Variants in OSBP2 observed in about 807,000 individuals in gnomAD.
OSBP2 encodes oxysterol-binding protein 2.
Under a neutral mutation model 96.0 loss-of-function variants are expected in OSBP2, and 66 were observed. That is an observed-to-expected ratio of 0.69 (90% CI 0.56 to 0.84). The LOEUF (loss-of-function observed/expected upper bound fraction) is 0.84, where lower values mean the gene tolerates loss of function less well. Ranked by LOEUF, OSBP2 falls within the 40% of genes least tolerant of loss-of-function variation. The pLI, the probability that OSBP2 is intolerant of heterozygous loss-of-function variation, is 0.00. For missense variants in OSBP2, 1,038 were observed against 1,222.7 expected (o/e 0.85, Z 2.25); for synonymous variants, 525 against 520.9 (o/e 1.01, Z -0.11).
At chr22:30,749,453 G>A (rs1338088108) in intron 2 of OSBP2, among the ~76,000 whole-genome samples, 2 of 152,156 alleles carry the variant, frequency 1.3e-5, no homozygotes, top group Non-Finnish European at 2.9e-5. Flanking sequence ...TCAAGATGGA[G>A]TCACTCTGGT....
At chr22:30,713,946 A>G (rs1038951618) in intron 1 of OSBP2, among the ~76,000 whole-genome samples, 4 of 152,170 alleles carry the variant, frequency 2.6e-5, no homozygotes, top group African/African-American at 9.7e-5. Flanking sequence ...ATTTGAAAAT[A>G]TACAATACAT....
chr22:30,760,553 C>G (rs1037116003), intron 2 of OSBP2, among the ~76,000 whole-genome samples: 1 of 152,130 alleles, frequency 6.6e-6, no homozygotes, highest in East Asian at 1.9e-4. Context: ...CAGTGGCTCA[C>G]ACCTGTAATC....
intron 2 of OSBP2, among the ~76,000 whole-genome samples, chr22:30,858,208 G>A (rs936332156): frequency 4.7e-5 from 7 of 147,696 alleles, no homozygotes; most frequent in South Asian, 2.2e-4. Flanking sequence ...CTGCAGTGGC[G>A]CAATCTCGGC....
In OSBP2 at chr22:30,889,635, C is replaced by T. The variant is rs771255313; in HGVS notation, c.1622C>T (p.Pro541Leu). 1.2e-5 allele frequency: 19 copies of T among 1,613,656 alleles called. No homozygotes were observed. Among genetic ancestry groups the T allele is most frequent in the Admixed American group, 3.3e-5 (2 of 60,000 alleles). Residue 541 changes from proline to leucine, a missense_variant and splice_region_variant, in exon 7 of 14, where the codon CCG (proline) becomes CTG (leucine). Pro to Leu is a moderately conservative substitution (Grantham distance 98). Coordinates refer to ENST00000332585, the MANE Select transcript of OSBP2 (RefSeq NM_030758.4). Reference protein sequence around the residue: ...IGRELSRIPMPVNFNEPLSML... With the variant: ...IGRELSRIPMLVNFNEPLSML... ...CGGGAGCTCTCCAGGATCCCCATGC[C>T]GGTGGGTGGCTCGGGCAGGGCAGCC... is the stretch of plus-strand genomic sequence containing the variant.
At chr22:30,797,092 T>C (rs136286) in intron 2 of OSBP2, among the ~76,000 whole-genome samples, 28,981 of 152,106 alleles carry the variant, frequency 0.19, 2,817 homozygotes, top group Middle Eastern at 0.24. Flanking sequence ...AGTGGAATCA[T>C]ATGGTATTTA....
intron 1 of OSBP2, among the ~76,000 whole-genome samples, chr22:30,709,185 C>T (rs576537093): frequency 1.3e-5 from 2 of 152,258 alleles, no homozygotes; most frequent in South Asian, 2.1e-4. Context: ...AGTTAACAAT[C>T]ATTCCTTATC....
At chr22:30,812,818 A>G (rs570342059) in intron 2 of OSBP2, among the ~76,000 whole-genome samples, 1 of 152,214 alleles carries the variant, frequency 6.6e-6, no homozygotes, top group Non-Finnish European at 1.5e-5. Context: ...ATGAAAAGGC[A>G]TTTCCTTGCT....
chr22:30,730,774 CTATATA>C (rs1206537838), intron 1 of OSBP2, among the ~76,000 whole-genome samples: 148 of 13,788 alleles, frequency 0.011, 6 homozygotes, highest in African/African-American at 0.011. Context: ...CTCTCTCTCT[CTATATA>C]TATATATATA....
At chr22:30,786,154 T>C (rs975111505) in intron 2 of OSBP2, among the ~76,000 whole-genome samples, 1 of 152,074 alleles carries the variant, frequency 6.6e-6, no homozygotes, top group Non-Finnish European at 1.5e-5. Context: ...CTCGAGTAGC[T>C]GGGATTACAG....
chr22:30,800,446 G>C (rs1357754622), intron 2 of OSBP2, among the ~76,000 whole-genome samples: 1 of 152,160 alleles, frequency 6.6e-6, no homozygotes, highest in African/African-American at 2.4e-5. Context: ...ACATGCTTCT[G>C]TCTTCAGAGA....
chr22:30,767,138 C>CAAAAAAAAAAAAAAAAAAAAA (rs1156950666), intron 2 of OSBP2, among the ~76,000 whole-genome samples: 1 of 78,492 alleles, frequency 1.3e-5, no homozygotes. Flanking sequence ...ACTAAAAATA[C>CAAAAAAAAAAAAAAAAAAAAA]AAAAAAAAAA....
At chr22:30,864,426 C>T (rs976471701) in intron 2 of OSBP2, among the ~76,000 whole-genome samples, 2 of 152,132 alleles carry the variant, frequency 1.3e-5, no homozygotes, top group African/African-American at 4.8e-5. Context: ...TCCCGCAATG[C>T]GTGTGTGCGG....
intron 2 of OSBP2, among the ~76,000 whole-genome samples, chr22:30,864,117 C>T (rs1425229437): frequency 6.6e-6 from 1 of 152,034 alleles, no homozygotes; most frequent in African/African-American, 2.4e-5. Flanking sequence ...ATTACAGGTG[C>T]CCACCACCAT....
At chr22:30,889,438 G>T in intron 6 of OSBP2, 52 bp from the exon 7 acceptor site, 1 of 1,607,406 alleles carries the variant, frequency 6.2e-7, no homozygotes, top group Non-Finnish European at 8.5e-7. Flanking sequence ...TGGAAGCCAA[G>T]GGGGCGCTCT....
rs191421664 is a variant in OSBP2 at position 30,853,862 on chromosome 22, C to T, written c.854-16567C>T. ...CAGCTCTGCCTCCTCGGGGTTCAAG[C>T]GATTCTCCCGCCTCAGCTTCCTGAG... On this transcript the variant is annotated intron_variant, in intron 2 of 13. Coordinates refer to ENST00000332585, the MANE Select transcript of OSBP2 (RefSeq NM_030758.4). Among the ~76,000 whole-genome samples the T allele has an allele frequency of 5.0e-3, 752 of 151,860 alleles. 2 individuals are homozygous for T. The highest frequency in any genetic ancestry group is 8.5e-3 in the Non-Finnish European group (578 of 67,946).
rs2089763363 is a variant in OSBP2 at position 30,730,808 on chromosome 22, AATTTT to A, written c.645-10352_645-10348del. ...TATATATATATATATATATATATAT[AATTTT>A]TTTTTTTTTTCCCATGGACATTTTT... On this transcript the variant is annotated intron_variant, in intron 1 of 13. Coordinates refer to ENST00000332585, the MANE Select transcript of OSBP2 (RefSeq NM_030758.4). Among the ~76,000 whole-genome samples the A allele has an allele frequency of 2.1e-3, 84 of 39,338 alleles. 4 individuals carry two copies. The highest frequency in any genetic ancestry group is 3.1e-3 in the Non-Finnish European group (70 of 22,918). 25.8% of individuals were successfully genotyped at this position (39,338 alleles called of 152,430 possible). A position where few individuals can be genotyped will look rare whatever the true frequency, so the allele number is the denominator to read the frequency against.
intron 2 of OSBP2, among the ~76,000 whole-genome samples, chr22:30,761,574 T>C (rs1011661065): frequency 6.6e-6 from 1 of 152,190 alleles, no homozygotes; most frequent in African/African-American, 2.4e-5. Context: ...TTTCTCAGCA[T>C]AGACAAACTT....
chr22:30,815,768 C>T (rs2146967217), intron 2 of OSBP2, among the ~76,000 whole-genome samples: 1 of 152,196 alleles, frequency 6.6e-6, no homozygotes, highest in East Asian at 1.9e-4. Flanking sequence ...CCCAAAAGGC[C>T]ATCCTCTATC....
chr22:30,794,854 T>C (rs1375599510), intron 2 of OSBP2, among the ~76,000 whole-genome samples: 1 of 152,036 alleles, frequency 6.6e-6, no homozygotes, highest in Non-Finnish European at 1.5e-5. Context: ...TATTCATACA[T>C]GTATACATTC....
Sources: allele counts gnomAD v4.1 joint callset (sites outside exome capture counted in the v4.1 genomes callset), GRCh38; gene constraint gnomAD v4.1.1; transcripts MANE v1.5; gene names NCBI Gene and HGNC (gene_info 2026-07-23, HGNC 2026-07-21).